Variants in COLGALT2 observed in about 807,000 individuals in gnomAD.
COLGALT2 encodes collagen beta(1-O)galactosyltransferase 2, also known as procollagen galactosyltransferase 2.
Under a neutral mutation model 73.4 loss-of-function variants are expected in COLGALT2, and 49 were observed. The ratio of observed to expected loss-of-function variants is 0.67; its 90% confidence interval spans 0.53 to 0.85. The LOEUF is 0.85. Among genes scored for constraint, COLGALT2 ranks in the 40% least tolerant of loss-of-function variants. COLGALT2 has a pLI of 0.00. For missense variants in COLGALT2, 722 were observed against 790.2 expected (o/e 0.91, Z 1.03); for synonymous variants, 295 against 307.6 (o/e 0.96, Z 0.43).
At chr1:183,960,843 T>C (rs530826964) in intron 6 of COLGALT2, among the ~76,000 whole-genome samples, 9 of 152,224 alleles carry the variant, frequency 5.9e-5, no homozygotes, top group Non-Finnish European at 1.0e-4. Context: ...CTTCTTCCAG[T>C]GTGGCCCAGG....
At chr1:183,948,646 C>T (rs1670311493) in intron 8 of COLGALT2, among the ~76,000 whole-genome samples, 1 of 152,214 alleles carries the variant, frequency 6.6e-6, no homozygotes, top group Non-Finnish European at 1.5e-5. Flanking sequence ...AATGCTTTCC[C>T]TCTAAGATCA....
intron 6 of COLGALT2, among the ~76,000 whole-genome samples, chr1:183,959,411 C>T (rs1221350129): frequency 6.6e-6 from 1 of 152,158 alleles, no homozygotes; most frequent in Non-Finnish European, 1.5e-5. Context: ...ACTAGCTCCC[C>T]AACCCCCAGT....
At chr1:184,023,409 T>G (rs1649233328) in intron 1 of COLGALT2, among the ~76,000 whole-genome samples, 1 of 152,164 alleles carries the variant, frequency 6.6e-6, no homozygotes, top group South Asian at 2.1e-4. Context: ...AAGTAAAGCC[T>G]TTCCATAGGA....
At chr1:183,945,341 C>T in intron 9 of COLGALT2, 91 bp downstream of exon 9, 2 of 1,440,022 alleles carry the variant, frequency 1.4e-6, no homozygotes, top group Non-Finnish European at 9.5e-7. Context: ...CAGTTGCGGG[C>T]TCACTTTACA....
intron 1 of COLGALT2, among the ~76,000 whole-genome samples, chr1:184,010,159 G>A (rs750229770): frequency 1.3e-5 from 2 of 152,122 alleles, no homozygotes; most frequent in South Asian, 4.1e-4. Flanking sequence ...GGTGAATAAT[G>A]TGGTTGAGAG....
chr1:183,943,871 C>T (rs77757087), intron 10 of COLGALT2, among the ~76,000 whole-genome samples: 4,508 of 152,212 alleles, frequency 0.03, 69 homozygotes, highest in South Asian at 0.038. Context: ...CCATGTGCCA[C>T]GTTAATTGAG....
chr1:184,026,005 C>G (rs1649320493), intron 1 of COLGALT2, among the ~76,000 whole-genome samples: 1 of 152,168 alleles, frequency 6.6e-6, no homozygotes, highest in Non-Finnish European at 1.5e-5. Flanking sequence ...GTCAATTGCC[C>G]TGGATCATCA....
chr1:184,017,379 G>A (rs145869179), intron 1 of COLGALT2, among the ~76,000 whole-genome samples: 56 of 152,176 alleles, frequency 3.7e-4, no homozygotes, highest in African/African-American at 1.3e-3. Flanking sequence ...GTATTTTCCC[G>A]AGACAAGTTT....
At chr1:183,977,365 G>T (rs1257341990) in intron 2 of COLGALT2, among the ~76,000 whole-genome samples, 1 of 151,928 alleles carries the variant, frequency 6.6e-6, no homozygotes, top group Non-Finnish European at 1.5e-5. Flanking sequence ...CAGCTACTCG[G>T]GAGGCTGAGG....
chr1:184,020,085 G>A (rs560127604), intron 1 of COLGALT2, among the ~76,000 whole-genome samples: 55 of 152,240 alleles, frequency 3.6e-4, no homozygotes, highest in African/African-American at 1.3e-3. Context: ...TAAGTGGTAT[G>A]TTTTGTCTAA....
intron 1 of COLGALT2, 93 bp downstream of exon 1, chr1:184,037,002 C>A: frequency 3.6e-6 from 4 of 1,117,184 alleles, no homozygotes; most frequent in African/African-American, 3.3e-5. Context: ...CCAGCGGCTC[C>A]CTCGCCCTGC....
chr1:183,938,517 T>A lies in COLGALT2; in HGVS notation c.*244A>T. On this transcript the variant is annotated 3_prime_UTR_variant, in exon 12 of 12. Transcript: ENST00000361927. ...GAAGAATTAGGTGTCTGGATTACAG[T>A]TTATCTTAACAGTTTCCAAAAAACC... 2.2e-6 allele frequency: 3 copies of A among 1,369,936 alleles called. No individual in the cohort carries two copies. The highest frequency in any genetic ancestry group is 3.3e-5 in the South Asian group (2 of 59,968). 84.9% of individuals were successfully genotyped at this position (1,369,936 alleles called of 1,614,324 possible). A position where few individuals can be genotyped will look rare whatever the true frequency, so the allele number is the denominator to read the frequency against.
At position 183,935,863 on chromosome 1, in the gene COLGALT2, CAAAG is replaced by C; in HGVS notation, c.*2894_*2897del. The C allele has an allele frequency of 1.0e-6, 1 of 985,388 alleles. No individual in the cohort carries two copies. Among genetic ancestry groups the C allele is most frequent in the Non-Finnish European group, 1.2e-6 (1 of 829,962 alleles). 61.0% of individuals were successfully genotyped at this position (985,388 alleles called of 1,614,324 possible). A position where few individuals can be genotyped will look rare whatever the true frequency, so the allele number is the denominator to read the frequency against. On this transcript the variant is annotated 3_prime_UTR_variant, in exon 12 of 12. Coordinates refer to ENST00000361927, the MANE Select transcript of COLGALT2 (RefSeq NM_015101.4). ...AGCTAAGTTTTTTTTTAATTTTTCA[CAAAG>C]AGCTCCAGAAGGCAAATAGTTTATC...
At chr1:183,965,133 CCCTTCTCTTG>C in intron 5 of COLGALT2, among the ~76,000 whole-genome samples, 1 of 152,210 alleles carries the variant, frequency 6.6e-6, no homozygotes, top group Middle Eastern at 3.2e-3. Flanking sequence ...CAAGCACTGT[CCCTTCTCTTG>C]CCTTCACCGA....
downstream of COLGALT2, among the ~76,000 whole-genome samples, chr1:183,934,235 T>C (rs1453457830): frequency 6.6e-6 from 1 of 152,174 alleles, no homozygotes; most frequent in Non-Finnish European, 1.5e-5. Flanking sequence ...GGGAGCACCA[T>C]TTTTCACGTA....
intron 5 of COLGALT2, among the ~76,000 whole-genome samples, chr1:183,968,992 G>A (rs1287013128): frequency 6.6e-6 from 1 of 152,110 alleles, no homozygotes; most frequent in Non-Finnish European, 1.5e-5. Context: ...TAGCACCACA[G>A]AGAAGCAATC....
chr1:184,024,703 C>T (rs1014361308), intron 1 of COLGALT2, among the ~76,000 whole-genome samples: 1 of 143,652 alleles, frequency 7.0e-6, no homozygotes, highest in African/African-American at 2.6e-5. Flanking sequence ...AGGCTCCGTT[C>T]TCTAAACATA....
At chr1:183,935,150 A>G (rs1018098048), downstream of COLGALT2, among the ~76,000 whole-genome samples, 6 of 152,126 alleles carry the variant, frequency 3.9e-5, no homozygotes, top group African/African-American at 1.4e-4. Flanking sequence ...ACTCCAATTC[A>G]TCCTCCAAAA....
At chr1:183,964,842 C>T (rs1670822381) in intron 5 of COLGALT2, among the ~76,000 whole-genome samples, 1 of 152,200 alleles carries the variant, frequency 6.6e-6, no homozygotes, top group African/African-American at 2.4e-5. Flanking sequence ...AATGATAAGA[C>T]TGCTTAGTGA....
Sources: allele counts gnomAD v4.1 joint callset (sites outside exome capture counted in the v4.1 genomes callset), GRCh38; gene constraint gnomAD v4.1.1; transcripts MANE v1.5; gene names NCBI Gene and HGNC (gene_info 2026-07-23, HGNC 2026-07-21).